Variants in UBR4 observed in about 807,000 individuals in gnomAD.
The protein encoded by UBR4 is E3 ubiquitin-protein ligase UBR4.
Under a neutral mutation model 575.6 loss-of-function variants are expected in UBR4, and 124 were observed. The observed-to-expected ratio is 0.22, with a 90% CI of 0.19 to 0.25. The LOEUF is 0.25. Ranked by LOEUF, UBR4 falls within the 10% of genes least tolerant of loss-of-function variation. The pLI is 1.00. For missense variants in UBR4, 4,818 were observed against 6,478.8 expected (o/e 0.74, Z 8.80); for synonymous variants, 2,455 against 2,473.7 (o/e 0.99, Z 0.22).
At chr1:19,095,811 G>A (rs925251162) in intron 92 of UBR4, 159 bp from the exon 93 acceptor site, 5 of 609,014 alleles carry the variant, frequency 8.2e-6, no homozygotes, top group Non-Finnish European at 1.5e-5. Context: ...AGGGGACATG[G>A]TGAGATGGCT....
intron 27 of UBR4, among the ~76,000 whole-genome samples, chr1:19,168,760 G>A (rs1192234047): frequency 6.6e-6 from 1 of 152,090 alleles, no homozygotes; most frequent in East Asian, 1.9e-4. Context: ...GGCGGATCAG[G>A]AGGTCAGGCG....
chr1:19,132,151 G>A (rs941828494), intron 60 of UBR4, among the ~76,000 whole-genome samples: 1 of 152,184 alleles, frequency 6.6e-6, no homozygotes, highest in African/African-American at 2.4e-5. Flanking sequence ...TGGAATTTTA[G>A]AGAAAAATAT....
Position 19,157,876 on chromosome 1 carries a change from C to A in UBR4, c.5699G>T (p.Cys1900Phe), listed in dbSNP as rs751569685. ...SAHVLRRVAM[C>F]VLSSPHGRRQ... The stretch of plus-strand genomic sequence containing the variant: ...GCGCCCATGGGGAGAGGAGAGCACA[C>A]ACATAGCCACCCGCCTGAGCACATG... Residue 1900 changes from cysteine to phenylalanine, a missense_variant, in exon 40 of 106, where the codon TGT becomes TTT. By Grantham distance (205) the Cys-to-Phe change is radical. Around this residue, in one of 29 missense-constraint regions of UBR4, gnomAD observed 461 missense variants for 606.9 expected, o/e 0.76. Transcript: ENST00000375254. The surrounding 1 kb of genome is among the most constrained non-coding windows in gnomAD (Gnocchi z 4.4). 5.6e-6 allele frequency: 9 copies of A among 1,614,108 alleles called. No homozygotes were observed. The highest frequency in any genetic ancestry group is 7.6e-6 in the Non-Finnish European group (9 of 1,180,046).
Position 19,124,654 on chromosome 1 carries a change from G to C in UBR4, c.9475C>G (p.Leu3159Val), listed in dbSNP as rs762150946. 1 of 1,614,196 alleles carries C rather than the reference G, an allele frequency of 6.2e-7. No individual in the cohort carries two copies. The highest frequency in any genetic ancestry group is 2.2e-5 in the East Asian group (1 of 44,886). Residue 3159 changes from leucine (L) to valine (V), a missense_variant, in exon 65 of 106, where the codon CTT (leucine) becomes GTT (valine). By Grantham distance (32) the Leu-to-Val change is conservative. Coordinates refer to ENST00000375254, the MANE Select transcript of UBR4 (RefSeq NM_020765.3). ...AGCCTCAGTACCATTTCTGTTAGAA[G>C]CTGAGTATAGGCCTCAAACACATCA... ...AADVFEAYTQ[L>V]LTEMVLRLPY...
chr1:19,128,421 T>C, intron 61 of UBR4, 103 bp from the exon 62 acceptor site: 1 of 968,846 alleles, frequency 1.0e-6, no homozygotes, highest in Non-Finnish European at 1.6e-6. Context: ...GACATCCCTA[T>C]CAATCATAAC....
At chr1:19,107,044 G>GC in intron 81 of UBR4, 78 bp from the exon 82 acceptor site, 1 of 1,564,832 alleles carries the variant, frequency 6.4e-7, no homozygotes, top group Admixed American at 1.8e-5. Context: ...TGGCACTGGT[G>GC]CCCCAGGGGG....
chr1:19,183,937 T>G, intron 16 of UBR4, 41 bp from the exon 17 acceptor site: 1 of 1,613,868 alleles, frequency 6.2e-7, no homozygotes, highest in African/African-American at 1.3e-5. Context: ...AAGCAGCTAT[T>G]GAATGCACCA....
At chr1:19,199,978 C>T (rs967145575) in intron 2 of UBR4, among the ~76,000 whole-genome samples, 1 of 152,212 alleles carries the variant, frequency 6.6e-6, no homozygotes, top group Non-Finnish European at 1.5e-5. Flanking sequence ...GAAATACTTA[C>T]ATCACACCAG....
chr1:19,170,027 A>AC (rs2089251479), intron 26 of UBR4, among the ~76,000 whole-genome samples: 1 of 152,200 alleles, frequency 6.6e-6, no homozygotes, highest in Non-Finnish European at 1.5e-5. Flanking sequence ...TAAGGAAAAT[A>AC]CAAACGATTG....
intron 14 of UBR4, among the ~76,000 whole-genome samples, chr1:19,185,876 T>C (rs2151275555): frequency 6.6e-6 from 1 of 152,302 alleles, no homozygotes; most frequent in Non-Finnish European, 1.5e-5. Context: ...AGCCAATTTT[T>C]CTTTAAGGAG....
Position 19,074,557 on chromosome 1 carries a change from C to T in UBR4, c.*275G>A. 1 of 503,932 alleles carries T rather than the reference C, an allele frequency of 2.0e-6. No individual in the cohort carries two copies. Among genetic ancestry groups the T allele is most frequent in the South Asian group, 2.4e-5 (1 of 42,146 alleles). The allele number at this position is 503,932 out of a possible 1,614,324, so 31.2% of individuals were successfully genotyped here. ...TTGTTTATTTCTCAAGATGTGCACA[C>T]TCAAGTATGAAGCTGGCCGGGACAA... On this transcript the variant is annotated 3_prime_UTR_variant, in exon 106 of 106. Coordinates refer to ENST00000375254, the MANE Select transcript of UBR4 (RefSeq NM_020765.3).
chr1:19,204,325 T>C (rs2092900678), intron 1 of UBR4, among the ~76,000 whole-genome samples: 1 of 152,060 alleles, frequency 6.6e-6, no homozygotes, highest in Non-Finnish European at 1.5e-5. Flanking sequence ...TCTTATTTGT[T>C]TTTCTAAGGC....
intron 2 of UBR4, among the ~76,000 whole-genome samples, chr1:19,200,616 C>T (rs561554866): frequency 1.4e-4 from 22 of 151,778 alleles, no homozygotes; most frequent in South Asian, 1.3e-3. Flanking sequence ...TCTCATAACC[C>T]GATCTCAAAA....
At chr1:19,189,356 T>G (rs1398746158) in intron 11 of UBR4, among the ~76,000 whole-genome samples, 1 of 152,202 alleles carries the variant, frequency 6.6e-6, no homozygotes, top group South Asian at 2.1e-4. Context: ...GACAATTAAG[T>G]TCCCAAAAGT....
rs571338444 is a variant in UBR4, at chr1:19,110,342, G to A, written c.11977+38C>T. The A allele has an allele frequency of 6.2e-7, 1 of 1,613,658 alleles. No individual in the cohort carries two copies. The highest frequency in any genetic ancestry group is 8.5e-7 in the Non-Finnish European group (1 of 1,179,824). On this transcript the variant is annotated intron_variant, in intron 80 of 105. Transcript: ENST00000375254. The surrounding 1 kb of genome is among the most constrained non-coding windows in gnomAD (Gnocchi z 4.5). ...CCAGTCCGGCCAGGACTGCTCCTTTGAGCCTCCTTTCCTTTCTCTGAAAAT... is the reference window on the plus strand; with the variant it reads ...CCAGTCCGGCCAGGACTGCTCCTTTAAGCCTCCTTTCCTTTCTCTGAAAAT...
At position 19,159,620 on chromosome 1, in the gene UBR4, TGA is replaced by T. The variant is rs1269315231; in HGVS notation, c.5577+489_5577+490del. 2.6e-5 allele frequency among the ~76,000 whole-genome samples: 4 copies of T among 151,130 alleles called. No individual in the cohort carries two copies. In the East Asian group the frequency reaches 7.8e-4, roughly 29 times the overall value. ...CCCCACTCCTTTTTTTTTTTTTTTT[TGA>T]GAGAGAGTCTCACTCCGTCGCCCAG... is the stretch of plus-strand genomic sequence containing the variant. On this transcript the variant is annotated intron_variant, in intron 39 of 105. Coordinates refer to ENST00000375254, the MANE Select transcript of UBR4 (RefSeq NM_020765.3).
At chr1:19,099,718 G>C (rs1295223371) in intron 89 of UBR4, 41 bp from the exon 90 acceptor site, 1 of 1,566,432 alleles carries the variant, frequency 6.4e-7, no homozygotes, top group Non-Finnish European at 8.7e-7. Flanking sequence ...CCAAATAATT[G>C]TAAGACAAGT....
intron 90 of UBR4, 127 bp downstream of exon 90, chr1:19,099,470 G>T: frequency 1.3e-6 from 1 of 772,782 alleles, no homozygotes; most frequent in African/African-American, 1.8e-5. Context: ...CCCAAACAGG[G>T]ACAGTAAAGC....
chr1:19,078,002 C>T lies in UBR4; in HGVS notation c.15298G>A (p.Val5100Ile), dbSNP rs769843379. The part of the protein sequence containing the change: ...YRSSLLFWAL[V>I]DLIYNMFKKV... ...TTAAACATGTTGTAAATGAGATCGA[C>T]GAGGGCCCAAAAGAGAAGGGAAGAA... The change falls in exon 104 of 106, where the codon GTC (valine) becomes ATC (isoleucine). Residue 5100 changes from valine (V) to isoleucine (I), a missense_variant. Physicochemically the swap from Val to Ile is conservative, Grantham distance 29. Transcript: ENST00000375254. 14 of 1,613,858 alleles carry T rather than the reference C, an allele frequency of 8.7e-6. No homozygotes were observed. The highest frequency in any genetic ancestry group is 3.3e-5 in the Admixed American group (2 of 59,988).
Sources: allele counts gnomAD v4.1 joint callset (sites outside exome capture counted in the v4.1 genomes callset), GRCh38; gene constraint gnomAD v4.1.1; regional missense constraint gnomAD v4.1.1; non-coding constraint Gnocchi (gnomAD v3.1); transcripts MANE v1.5; gene names NCBI Gene and HGNC (gene_info 2026-07-23, HGNC 2026-07-21).